SLC20A2: variants seen among roughly 807,000 people sequenced by gnomAD.
SLC20A2 encodes solute carrier family 20 member 2.
A neutral mutation model predicts 61.0 loss-of-function variants in SLC20A2; 30 were observed. That is an observed-to-expected ratio of 0.49 (90% CI 0.37 to 0.67). The LOEUF is 0.67. Among genes scored for constraint, SLC20A2 ranks in the 30% least tolerant of loss-of-function variants. The pLI, the probability that SLC20A2 is intolerant of heterozygous loss-of-function variation, is 0.00. For synonymous variants in SLC20A2, 351 were observed against 353.3 expected (o/e 0.99, Z 0.07); for missense variants, 626 against 866.4 (o/e 0.72, Z 3.48).
intron 1 of SLC20A2, among the ~76,000 whole-genome samples, chr8:42,514,887 A>T (rs1415452175): frequency 6.6e-6 from 1 of 152,152 alleles, no homozygotes; most frequent in Non-Finnish European, 1.5e-5. Context: ...GCCTGGTGTA[A>T]AGGCAGTGAT....
intron 5 of SLC20A2, among the ~76,000 whole-genome samples, chr8:42,446,326 TCA>T (rs1227340934): frequency 1.3e-5 from 2 of 152,240 alleles, no homozygotes; most frequent in Non-Finnish European, 2.9e-5. Flanking sequence ...CCAGCCCTCA[TCA>T]CCCTGAATTT....
intron 1 of SLC20A2, among the ~76,000 whole-genome samples, chr8:42,511,727 A>G (rs73632749): frequency 0.058 from 8,816 of 152,112 alleles, 784 homozygotes; most frequent in African/African-American, 0.19. Context: ...GCACTTGGCT[A>G]TAAGAACCCA....
chr8:42,428,200 C>T (rs1311966143), intron 10 of SLC20A2, among the ~76,000 whole-genome samples: 1 of 152,212 alleles, frequency 6.6e-6, no homozygotes, highest in African/African-American at 2.4e-5. Flanking sequence ...ACACCATGAC[C>T]AGGAGCCCTC....
chr8:42,452,278 A>G (rs1805786858), intron 5 of SLC20A2, among the ~76,000 whole-genome samples: 1 of 140,582 alleles, frequency 7.1e-6, no homozygotes, highest in Non-Finnish European at 1.5e-5. Flanking sequence ...GGAGGAAGAG[A>G]TGGAACAGGA....
At chr8:42,528,784 A>G (rs1218166559) in intron 1 of SLC20A2, among the ~76,000 whole-genome samples, 2 of 151,772 alleles carry the variant, frequency 1.3e-5, no homozygotes, top group African/African-American at 4.8e-5. Flanking sequence ...CTCCTGCCTC[A>G]GCCTCCCGAG....
At chr8:42,467,148 A>G (rs1403049281) in intron 2 of SLC20A2, among the ~76,000 whole-genome samples, 4 of 152,072 alleles carry the variant, frequency 2.6e-5, no homozygotes, top group South Asian at 2.1e-4. Context: ...TGCCTCTCCT[A>G]TGAGAAATAA....
chr8:42,447,521 C>T (rs1563468220), intron 5 of SLC20A2, among the ~76,000 whole-genome samples: 1 of 151,564 alleles, frequency 6.6e-6, no homozygotes, highest in Admixed American at 6.6e-5. Context: ...ACTAAAAATA[C>T]AAAAAAATTA....
chr8:42,465,912 C>T lies in SLC20A2; in HGVS notation c.295G>A (p.Ala99Thr), dbSNP rs149761291. 9.6e-5 allele frequency: 155 copies of T among 1,610,412 alleles called. No individual in the cohort carries two copies. Among genetic ancestry groups the T allele is most frequent in the Middle Eastern group, 6.6e-4 (4 of 6,066 alleles). Reference sequence around the variant, plus strand: ...AAGGAAGCAATCAGCTGCCACACAGCGGAACCTACAGATTGAAGGACAAAA... The same window carrying T: ...AAGGAAGCAATCAGCTGCCACACAGTGGAACCTACAGATTGAAGGACAAAA... Reference protein sequence around the residue: ...AGEVSAMVGSAVWQLIASFLR... With the variant: ...AGEVSAMVGSTVWQLIASFLR... The change falls in exon 3 of 11, where the codon GCT becomes ACT. Residue 99 changes from alanine (A) to threonine (T), a missense_variant. Ala to Thr is a moderately conservative substitution (Grantham distance 58). This residue lies in a region of SLC20A2 where 127 missense variants were observed against 215.4 expected (regional missense o/e 0.59). Coordinates refer to ENST00000520262, the MANE Select transcript of SLC20A2 (RefSeq NM_001257180.2).
chr8:42,533,654 C>CTTTTTTTCTTTTCTTTTTTTTTTTTTTTT (rs1253260874), intron 1 of SLC20A2, among the ~76,000 whole-genome samples: 6 of 55,310 alleles, frequency 1.1e-4, no homozygotes, highest in African/African-American at 4.9e-4. Flanking sequence ...ATCAACTGTT[C>CTTTTTTTCTTTTCTTTTTTTTTTTTTTTT]TTTTTTTTTT....
intron 9 of SLC20A2, 136 bp downstream of exon 9, chr8:42,429,928 T>G: frequency 1.5e-6 from 1 of 660,762 alleles, no homozygotes; most frequent in Non-Finnish European, 2.4e-6. Flanking sequence ...GGGGCCATTC[T>G]TGCCCACTGT....
At chr8:42,541,675 C>G (rs992277061) in intron 1 of SLC20A2, 6 of 149,814 alleles carry the variant, frequency 4.0e-5, no homozygotes, top group African/African-American at 1.5e-4. Context: ...CGGAGCAGCG[C>G]TGGCCGCGTG....
At chr8:42,426,390 G>A (rs1026187758) in intron 10 of SLC20A2, among the ~76,000 whole-genome samples, 3 of 152,224 alleles carry the variant, frequency 2.0e-5, no homozygotes, top group African/African-American at 7.2e-5. Context: ...CCAAACCTGT[G>A]CTGTTTTTTC....
intron 9 of SLC20A2, among the ~76,000 whole-genome samples, chr8:42,429,599 G>A (rs956666693): frequency 2.6e-5 from 4 of 152,220 alleles, no homozygotes; most frequent in Non-Finnish European, 5.9e-5. Context: ...AAAGCCTCCA[G>A]AGCTCACCCA....
intron 5 of SLC20A2, among the ~76,000 whole-genome samples, chr8:42,451,974 T>A (rs1454520444): frequency 1.0e-4 from 5 of 49,590 alleles, no homozygotes; most frequent in Admixed American, 5.8e-4. Context: ...GAGGAAGAGA[T>A]GAAGAGGAGG....
At chr8:42,431,604 C>G (rs1369964149) in intron 8 of SLC20A2, among the ~76,000 whole-genome samples, 2 of 152,226 alleles carry the variant, frequency 1.3e-5, no homozygotes, top group East Asian at 3.8e-4. Context: ...GAAGAACAGT[C>G]TTCTATTGGT....
intron 1 of SLC20A2, among the ~76,000 whole-genome samples, chr8:42,509,651 A>G (rs1041835873): frequency 6.6e-6 from 1 of 152,156 alleles, no homozygotes; most frequent in African/African-American, 2.4e-5. Context: ...GTACTTGGGA[A>G]GCTGAGGTGG....
In SLC20A2 at chr8:42,426,850, T is replaced by C. The variant is rs370798960; in HGVS notation, c.1794+1908A>G. Among the ~76,000 whole-genome samples, 36 of 152,378 alleles carry C rather than the reference T, an allele frequency of 2.4e-4. No homozygotes were observed. In the East Asian group the frequency reaches 2.9e-3, roughly 12 times the overall value. ...CATTCCAAAAGACAACTGATGCCTA[T>C]AGAAAAGTCATAAGCCCGTGTCCTT... On this transcript the variant is annotated intron_variant, in intron 10 of 10. Transcript: ENST00000520262.
chr8:42,424,329 C>CG (rs201975960), intron 10 of SLC20A2, among the ~76,000 whole-genome samples: 109 of 91,894 alleles, frequency 1.2e-3, no homozygotes, highest in Middle Eastern at 0.012. Flanking sequence ...TTGGGGGGTG[C>CG]GGGGGGGGAT....
At chr8:42,459,068 C>T (rs1188599227) in intron 5 of SLC20A2, among the ~76,000 whole-genome samples, 1 of 149,142 alleles carries the variant, frequency 6.7e-6, no homozygotes, top group Non-Finnish European at 1.5e-5. Context: ...GTCAGGAGTT[C>T]GAGACCAGCC....
Sources: allele counts gnomAD v4.1 joint callset (sites outside exome capture counted in the v4.1 genomes callset), GRCh38; gene constraint gnomAD v4.1.1; regional missense constraint gnomAD v4.1.1; transcripts MANE v1.5; gene names NCBI Gene and HGNC (gene_info 2026-07-23, HGNC 2026-07-21).